Variants in RASGRP3 observed in about 807,000 individuals in gnomAD.
RASGRP3 encodes the protein ras guanyl-releasing protein 3.
In RASGRP3, 54 loss-of-function variants were observed where a neutral mutation model predicts 82.7. The observed-to-expected ratio is 0.65, with a 90% CI of 0.52 to 0.82. RASGRP3 has a LOEUF of 0.82. Ranked by LOEUF, RASGRP3 falls within the 40% of genes least tolerant of loss-of-function variation. The pLI, the probability that RASGRP3 is intolerant of heterozygous loss-of-function variation, is 0.00. For missense variants in RASGRP3, 861 were observed against 828.9 expected (o/e 1.04, Z -0.48); for synonymous variants, 309 against 300.5 (o/e 1.03, Z -0.29).
intron 2 of RASGRP3, among the ~76,000 whole-genome samples, chr2:33,455,222 A>G (rs1283888280): frequency 6.6e-6 from 1 of 152,186 alleles, no homozygotes; most frequent in Admixed American, 6.5e-5. Flanking sequence ...TTCAAAGAAG[A>G]TTTTTCTATA....
upstream of RASGRP3, chr2:33,476,402 G>A (rs1667375473): frequency 6.6e-6 from 1 of 152,216 alleles, no homozygotes; most frequent in Admixed American, 6.5e-5. Context: ...CCTTCAGTGT[G>A]ACTTATCAGC....
intron 2 of RASGRP3, among the ~76,000 whole-genome samples, chr2:33,464,031 A>G (rs955066612): frequency 1.3e-5 from 2 of 151,426 alleles, no homozygotes; most frequent in African/African-American, 2.4e-5. Flanking sequence ...GTCTACTAGG[A>G]CCATTTTTCC....
upstream of RASGRP3, among the ~76,000 whole-genome samples, chr2:33,474,818 C>T (rs76884883): frequency 1.1e-3 from 173 of 152,276 alleles, 1 homozygote; most frequent in African/African-American, 3.6e-3. Flanking sequence ...TATAAATTAC[C>T]CAGTCTCAAG....
At chr2:33,501,501 T>A (rs1458882106) in intron 1 of RASGRP3, among the ~76,000 whole-genome samples, 3 of 152,244 alleles carry the variant, frequency 2.0e-5, no homozygotes, top group African/African-American at 7.2e-5. Flanking sequence ...TGTACCATTT[T>A]ACATTTCCAC....
At chr2:33,490,000 C>T (rs74747283) in intron 1 of RASGRP3, among the ~76,000 whole-genome samples, 2,321 of 152,190 alleles carry the variant, frequency 0.015, 60 homozygotes, top group African/African-American at 0.053. Context: ...ATTTGATACA[C>T]TCTTGCTGCC....
intron 1 of RASGRP3, 103 bp downstream of exon 1, chr2:33,476,810 C>T (rs1411618749): frequency 8.4e-6 from 1 of 119,216 alleles, no homozygotes; most frequent in Non-Finnish European, 1.7e-5. Flanking sequence ...AAGCCACCAA[C>T]AACTTTTGAT....
intron 2 of RASGRP3, among the ~76,000 whole-genome samples, chr2:33,468,712 T>G (rs891557708): frequency 5.3e-5 from 8 of 152,150 alleles, no homozygotes; most frequent in Non-Finnish European, 1.0e-4. Flanking sequence ...TTCAACATTA[T>G]TTTATAATTG....
At chr2:33,452,540 A>G (rs1365317911) in intron 2 of RASGRP3, among the ~76,000 whole-genome samples, 2 of 152,084 alleles carry the variant, frequency 1.3e-5, no homozygotes, top group Non-Finnish European at 2.9e-5. Flanking sequence ...ATGGGAGTGA[A>G]TCTGGACCCT....
intron 1 of RASGRP3, among the ~76,000 whole-genome samples, chr2:33,441,010 G>A (rs1187634808): frequency 1.3e-5 from 2 of 151,758 alleles, no homozygotes; most frequent in East Asian, 1.9e-4. Context: ...CTTGTGCCTC[G>A]GCCTCCCAAA....
At chr2:33,443,111 T>C (rs654291) in intron 1 of RASGRP3, among the ~76,000 whole-genome samples, 31,066 of 152,156 alleles carry the variant, frequency 0.2, 3,348 homozygotes, top group Admixed American at 0.24. Context: ...AATAACTCCC[T>C]GTTGCCCAGA....
chr2:33,557,579 G>A (rs555339028), intron 15 of RASGRP3, among the ~76,000 whole-genome samples: 18 of 152,044 alleles, frequency 1.2e-4, no homozygotes, highest in South Asian at 2.1e-4. Context: ...GTGTGGTGGC[G>A]GGCACCTGTA....
intron 1 of RASGRP3, among the ~76,000 whole-genome samples, chr2:33,493,574 G>A (rs564876566): frequency 6.7e-6 from 1 of 149,210 alleles, no homozygotes; most frequent in South Asian, 2.2e-4. Context: ...GAGAACCAAT[G>A]GTTTGTGCCA....
intron 9 of RASGRP3, among the ~76,000 whole-genome samples, chr2:33,525,699 CAAAAAAAAAAAAAAA>C (rs1167570668): frequency 5.5e-5 from 3 of 54,396 alleles, no homozygotes; most frequent in African/African-American, 2.6e-4. Flanking sequence ...CCTGTCTCTA[CAAAAAAAAAAAAAAA>C]AAAAAAAAAA....
At chr2:33,551,355 T>A (rs922011021) in intron 14 of RASGRP3, among the ~76,000 whole-genome samples, 1 of 152,044 alleles carries the variant, frequency 6.6e-6, no homozygotes, top group African/African-American at 2.4e-5. Flanking sequence ...TTCTCTATTC[T>A]GATGGAAATT....
rs1673968015 is a variant in RASGRP3 at position 33,539,140 on chromosome 2, A to G, written c.1208A>G (p.Glu403Gly). The G allele has an allele frequency of 6.2e-7, 1 of 1,611,818 alleles. No homozygotes were observed. The highest frequency in any genetic ancestry group is 8.5e-7 in the Non-Finnish European group (1 of 1,179,144). ...TTPNKPVVPL[E>G]WALGVMPKPD... ...CCCAACAAGCCTGTGGTACCCCTGG[A>G]GTGGGCATTAGGGGTGATGCCAAAG... The change falls in exon 12 of 18, where the codon GAG (glutamate) becomes GGG (glycine). Residue 403 changes from glutamate (E) to glycine (G), a missense_variant. Coordinates refer to ENST00000403687, the MANE Select transcript of RASGRP3 (RefSeq NM_001139488.2).
chr2:33,542,668 C>A lies in RASGRP3; in HGVS notation c.1279-844C>A, dbSNP rs1004890035. ...ATCCACCTCCTCTTTCCCCCCCCCA[C>A]CAATATCACTCTATTTTATTTATTT... On this transcript the variant is annotated intron_variant, in intron 12 of 17. Coordinates refer to ENST00000403687, the MANE Select transcript of RASGRP3 (RefSeq NM_001139488.2). Among the ~76,000 whole-genome samples the A allele has an allele frequency of 2.1e-5, 3 of 145,962 alleles. 1 individual carries two copies. Among genetic ancestry groups the A allele is most frequent in the East Asian group, 1.9e-4 (1 of 5,146 alleles).
rs1212385952 is a variant in RASGRP3, at chr2:33,534,358, T to G, written c.1119T>G (p.Ile373Met). Residue 373 changes from isoleucine to methionine, a missense_variant, in exon 11 of 18, where the codon ATT becomes ATG. Physicochemically the swap from Ile to Met is conservative, Grantham distance 10. Transcript: ENST00000403687. ...ACCTCTATCACACTGAAGATGATAT[T>G]TACAAACTGTCACTGGTGCTGGAGC... ...SLDLYHTEDD[I>M]YKLSLVLEPR... 6.3e-7 allele frequency: 1 copy of G among 1,582,026 alleles called. No individual in the cohort carries two copies. Among genetic ancestry groups the G allele is most frequent in the South Asian group, 1.1e-5 (1 of 89,632 alleles).
At chr2:33,554,919 T>C (rs1675774280) in intron 14 of RASGRP3, 1 of 152,302 alleles carries the variant, frequency 6.6e-6, no homozygotes, top group African/African-American at 2.4e-5. Flanking sequence ...CACTTCCTAC[T>C]TGTTAACCAC....
At chr2:33,505,127 TATCATCACC>T (rs1670238934) in intron 1 of RASGRP3, among the ~76,000 whole-genome samples, 1 of 149,804 alleles carries the variant, frequency 6.7e-6, no homozygotes, top group African/African-American at 2.5e-5. Context: ...TCCTCCTCCA[TATCATCACC>T]ATCATCATCA....
Sources: gnomAD v4.1 joint callset for allele counts (sites outside exome capture counted in the v4.1 genomes callset) on GRCh38, gnomAD v4.1.1 for gene constraint, MANE v1.5 for transcripts, NCBI Gene and HGNC (gene_info 2026-07-23, HGNC 2026-07-21) for gene names.